Variants in CSMD2 observed in about 807,000 individuals in gnomAD.
CSMD2 encodes CUB and Sushi multiple domains 2.
A neutral mutation model predicts 398.5 loss-of-function variants in CSMD2; 130 were observed. That is an observed-to-expected ratio of 0.33 (90% CI 0.28 to 0.38). The LOEUF is 0.38. CSMD2 is among the 10% of genes least tolerant of loss of function. The pLI, the probability that CSMD2 is intolerant of heterozygous loss-of-function variation, is 1.00. For missense variants in CSMD2, 3,829 were observed against 4,764.9 expected (o/e 0.80, Z 5.78); for synonymous variants, 1,828 against 1,908.5 (o/e 0.96, Z 1.10).
chr1:34,126,566 C>CA (rs1662759864), intron 1 of CSMD2, among the ~76,000 whole-genome samples: 1 of 152,120 alleles, frequency 6.6e-6, no homozygotes. Context: ...CATTTTGCTT[C>CA]AAAATCTACA....
chr1:33,896,368 C>T (rs539387475), intron 5 of CSMD2, among the ~76,000 whole-genome samples: 1 of 152,306 alleles, frequency 6.6e-6, no homozygotes, highest in African/African-American at 2.4e-5. Context: ...TGGCCACATA[C>T]TGGAGGCCTC....
intron 3 of CSMD2, among the ~76,000 whole-genome samples, chr1:33,937,506 T>C (rs1284759412): frequency 3.3e-5 from 5 of 152,136 alleles, no homozygotes; most frequent in African/African-American, 1.2e-4. Flanking sequence ...CCCTAGTCCT[T>C]GCAATACCCT....
chr1:33,884,234 C>T (rs113855912), intron 5 of CSMD2, among the ~76,000 whole-genome samples: 147 of 152,120 alleles, frequency 9.7e-4, no homozygotes, highest in African/African-American at 3.4e-3. Context: ...TCTCTCCTCA[C>T]ACCTAAGCTG....
intron 2 of CSMD2, among the ~76,000 whole-genome samples, chr1:34,068,357 C>T (rs1332970041): frequency 6.6e-6 from 1 of 152,172 alleles, no homozygotes; most frequent in Non-Finnish European, 1.5e-5. Context: ...TTTAATCTTA[C>T]ATTAATCAAA....
In CSMD2 at chr1:33,576,327, A is replaced by C. The variant is rs113595358; in HGVS notation, c.7576+969T>G. Among the ~76,000 whole-genome samples the C allele has an allele frequency of 5.9e-5, 9 of 152,330 alleles. 2 individuals carry two copies. The highest frequency in any genetic ancestry group is 2.2e-4 in the African/African-American group (9 of 41,572). On this transcript the variant is annotated intron_variant, in intron 49 of 70. Transcript: ENST00000373381. Reference sequence around the variant, plus strand: ...CAATAGAGTCCAGGCGCGGTGGCTCACACCTGTAATCACAGCACTCTGGGA... The same window carrying C: ...CAATAGAGTCCAGGCGCGGTGGCTCCCACCTGTAATCACAGCACTCTGGGA...
intron 5 of CSMD2, among the ~76,000 whole-genome samples, chr1:33,847,998 TTCC>T (rs1638404970): frequency 6.6e-6 from 1 of 152,072 alleles, no homozygotes; most frequent in African/African-American, 2.4e-5. Context: ...CATTTCAGGG[TTCC>T]AGCAGAAAAC....
intron 28 of CSMD2, among the ~76,000 whole-genome samples, chr1:33,647,200 T>G (rs575158122): frequency 1.3e-5 from 2 of 152,292 alleles, no homozygotes; most frequent in East Asian, 3.9e-4. Flanking sequence ...GACACTAATG[T>G]CCTTATACTG....
chr1:33,871,320 C>T (rs1180825042), intron 5 of CSMD2, among the ~76,000 whole-genome samples: 2 of 152,106 alleles, frequency 1.3e-5, no homozygotes, highest in African/African-American at 2.4e-5. Flanking sequence ...TCAATTGCCT[C>T]AAAGACAATT....
At chr1:33,665,380 C>A (rs1407536174) in intron 25 of CSMD2, among the ~76,000 whole-genome samples, 1 of 151,716 alleles carries the variant, frequency 6.6e-6, no homozygotes, top group East Asian at 1.9e-4. Context: ...CTCTCCCCGA[C>A]CCAACGATTC....
intron 4 of CSMD2, among the ~76,000 whole-genome samples, chr1:33,932,540 C>T (rs6425863): frequency 0.42 from 63,053 of 151,852 alleles, 14,030 homozygotes; most frequent in African/African-American, 0.6. Flanking sequence ...GTGTGAATGC[C>T]AGAAGAGTGG....
At chr1:33,621,673 A>G (rs544355714) in intron 37 of CSMD2, among the ~76,000 whole-genome samples, 4 of 152,294 alleles carry the variant, frequency 2.6e-5, no homozygotes, top group African/African-American at 9.6e-5. Flanking sequence ...CACATCCACA[A>G]ATCTTTCTCT....
intron 13 of CSMD2, among the ~76,000 whole-genome samples, chr1:33,770,677 G>A (rs1309202625): frequency 6.6e-6 from 1 of 152,224 alleles, no homozygotes; most frequent in East Asian, 1.9e-4. Context: ...TCTAGAAGAA[G>A]AAATGCCATG....
chr1:33,908,085 CAAA>C (rs35932181), intron 5 of CSMD2, among the ~76,000 whole-genome samples: 1,117 of 77,014 alleles, frequency 0.015, 3 homozygotes, highest in African/African-American at 0.065. Flanking sequence ...GACTCCATCT[CAAA>C]AAAAAAAAAA....
intron 13 of CSMD2, among the ~76,000 whole-genome samples, chr1:33,758,918 A>G (rs1333276038): frequency 6.6e-6 from 1 of 152,156 alleles, no homozygotes; most frequent in Admixed American, 6.5e-5. Flanking sequence ...CCAGAACGAG[A>G]TGTTATGTGG....
intron 15 of CSMD2, among the ~76,000 whole-genome samples, chr1:33,731,346 T>G (rs1002732772): frequency 6.6e-6 from 1 of 152,196 alleles, no homozygotes; most frequent in African/African-American, 2.4e-5. Flanking sequence ...TTGTAATTCC[T>G]AGGGTATGAT....
chr1:33,683,600 A>G (rs1644974130), intron 25 of CSMD2, among the ~76,000 whole-genome samples: 1 of 152,220 alleles, frequency 6.6e-6, no homozygotes, highest in Non-Finnish European at 1.5e-5. Context: ...ATTCTGGCCA[A>G]TTCAACTACT....
chr1:33,600,630 C>G (rs1162479923), intron 44 of CSMD2: 1 of 569,002 alleles, frequency 1.8e-6, no homozygotes, highest in Admixed American at 3.1e-5. Context: ...GCTTCTGTGC[C>G]TCTCTGCCCT....
At chr1:33,534,096 C>T (rs984402861) in intron 62 of CSMD2, among the ~76,000 whole-genome samples, 189 bp from the exon 63 acceptor site, 1 of 152,212 alleles carries the variant, frequency 6.6e-6, no homozygotes, top group Non-Finnish European at 1.5e-5. Flanking sequence ...CTCCACAAGG[C>T]CTCATCTAAT....
At chr1:33,662,096 G>A (rs1275937304) in intron 26 of CSMD2, among the ~76,000 whole-genome samples, 1 of 152,172 alleles carries the variant, frequency 6.6e-6, no homozygotes, top group Non-Finnish European at 1.5e-5. Flanking sequence ...GGAGAGGCAG[G>A]ACCAATCATA....
Sources: allele counts gnomAD v4.1 joint callset (sites outside exome capture counted in the v4.1 genomes callset), GRCh38; gene constraint gnomAD v4.1.1; transcripts MANE v1.5; gene names NCBI Gene and HGNC (gene_info 2026-07-23, HGNC 2026-07-21).